Variants in CTNNA1 observed in about 807,000 individuals in gnomAD.
CTNNA1 encodes the protein catenin alpha-1.
Under a neutral mutation model 98.4 loss-of-function variants are expected in CTNNA1, and 37 were observed. That is an observed-to-expected ratio of 0.38 (90% CI 0.29 to 0.49). CTNNA1 has a LOEUF of 0.49. Among genes scored for constraint, CTNNA1 ranks in the 20% least tolerant of loss-of-function variants. The pLI is 0.95. For synonymous variants in CTNNA1, 404 were observed against 413.2 expected (o/e 0.98, Z 0.27); for missense variants, 761 against 1,147.2 (o/e 0.66, Z 4.86).
chr5:138,858,890 G>A (rs1763996117), intron 7 of CTNNA1, among the ~76,000 whole-genome samples: 1 of 152,112 alleles, frequency 6.6e-6, no homozygotes, highest in Admixed American at 6.5e-5. Flanking sequence ...TGAGCCACTG[G>A]GCCCAGCCTT....
intron 4 of CTNNA1, 89 bp downstream of exon 4, chr5:138,810,293 T>C: frequency 1.4e-6 from 2 of 1,474,170 alleles, no homozygotes; most frequent in Non-Finnish European, 1.9e-6. Flanking sequence ...TAGGATTTAG[T>C]TTGGTTTTGA....
intron 7 of CTNNA1, among the ~76,000 whole-genome samples, chr5:138,868,378 A>G (rs1263872389): frequency 6.6e-6 from 1 of 152,180 alleles, no homozygotes; most frequent in African/African-American, 2.4e-5. Flanking sequence ...GTCGTCATCC[A>G]GGGTGGAGGA....
chr5:138,844,290 C>T (rs1380295586), intron 7 of CTNNA1, among the ~76,000 whole-genome samples: 1 of 152,160 alleles, frequency 6.6e-6, no homozygotes, highest in African/African-American at 2.4e-5. Flanking sequence ...GCCACCGCAC[C>T]TGGCCCCAGA....
chr5:138,790,402 A>G (rs1447310007), intron 3 of CTNNA1, among the ~76,000 whole-genome samples: 1 of 152,182 alleles, frequency 6.6e-6, no homozygotes, highest in African/African-American at 2.4e-5. Context: ...TGTTTGCATT[A>G]TTTGCTTGTA....
At chr5:138,786,175 G>A (rs1343523349) in intron 3 of CTNNA1, among the ~76,000 whole-genome samples, 3 of 151,988 alleles carry the variant, frequency 2.0e-5, no homozygotes, top group African/African-American at 7.3e-5. Flanking sequence ...ACCATAATTT[G>A]CCTTCTCTTT....
intron 10 of CTNNA1, among the ~76,000 whole-genome samples, chr5:138,911,947 A>T (rs1223833092): frequency 1.3e-5 from 2 of 152,234 alleles, no homozygotes; most frequent in Non-Finnish European, 2.9e-5. Context: ...AGCTGGAAGG[A>T]CGGAGTTCCC....
intron 11 of CTNNA1, among the ~76,000 whole-genome samples, chr5:138,923,255 T>TTATA (rs1176179247): frequency 6.6e-6 from 1 of 152,190 alleles, no homozygotes; most frequent in African/African-American, 2.4e-5. Context: ...TTATTAGAGT[T>TTATA]TATATATTTT....
chr5:138,883,132 G>A (rs1753300263), intron 7 of CTNNA1, among the ~76,000 whole-genome samples: 1 of 152,188 alleles, frequency 6.6e-6, no homozygotes, highest in Non-Finnish European at 1.5e-5. Flanking sequence ...CTCCCAAAGT[G>A]CTAGGATTAC....
At chr5:138,818,963 A>G (rs761041635) in intron 5 of CTNNA1, among the ~76,000 whole-genome samples, 5 of 152,214 alleles carry the variant, frequency 3.3e-5, no homozygotes, top group Non-Finnish European at 5.9e-5. Flanking sequence ...TCAGTTGCCC[A>G]TAAAGCCAGG....
chr5:138,934,097 C>T lies in CTNNA1; in HGVS notation c.*8C>T. On this transcript the variant is annotated 3_prime_UTR_variant, in exon 18 of 18. Coordinates refer to ENST00000302763, the MANE Select transcript of CTNNA1 (RefSeq NM_001903.5). ...GCTATGGACAGCATCTAAGTCTGCCCAGGCCGGCCGCCCCCACCCCTCGGG... is the reference window on the plus strand; with the variant it reads ...GCTATGGACAGCATCTAAGTCTGCCTAGGCCGGCCGCCCCCACCCCTCGGG... 2 of 1,605,462 alleles carry T rather than the reference C, an allele frequency of 1.2e-6. No homozygotes were observed. The highest frequency in any genetic ancestry group is 1.7e-6 in the Non-Finnish European group (2 of 1,176,340).
At chr5:138,812,159 T>A (rs1436277355) in intron 4 of CTNNA1, 24 bp from the exon 5 acceptor site, 1 of 1,605,628 alleles carries the variant, frequency 6.2e-7, no homozygotes, top group Non-Finnish European at 8.5e-7. Flanking sequence ...ATTTTTGGGT[T>A]TTGGGGTCTT....
intron 3 of CTNNA1, among the ~76,000 whole-genome samples, chr5:138,806,520 C>T (rs1758100538): frequency 6.6e-6 from 1 of 152,078 alleles, no homozygotes; most frequent in Non-Finnish European, 1.5e-5. Flanking sequence ...TACTACTACT[C>T]TCTTCTGGGC....
At chr5:138,816,805 A>AT (rs746423818) in intron 5 of CTNNA1, among the ~76,000 whole-genome samples, 5 of 151,994 alleles carry the variant, frequency 3.3e-5, no homozygotes, top group Non-Finnish European at 5.9e-5. Context: ...AGTTCAAGCA[A>AT]TTCCTGTCTC....
At chr5:138,775,188 C>T (rs1172656621) in intron 1 of CTNNA1, among the ~76,000 whole-genome samples, 1 of 152,142 alleles carries the variant, frequency 6.6e-6, no homozygotes, top group Non-Finnish European at 1.5e-5. Context: ...TGTGTTAATG[C>T]AGTATCTCTG....
intron 2 of CTNNA1, among the ~76,000 whole-genome samples, chr5:138,782,941 T>C (rs1245401216): frequency 1.3e-5 from 2 of 152,202 alleles, no homozygotes; most frequent in Non-Finnish European, 2.9e-5. Flanking sequence ...AATGATCATA[T>C]TTGAGAAATT....
intron 7 of CTNNA1, among the ~76,000 whole-genome samples, chr5:138,838,713 T>C (rs1762015045): frequency 6.6e-6 from 1 of 152,202 alleles, no homozygotes. Context: ...ATTTCCCTAA[T>C]CTAAGCCCTG....
chr5:138,781,594 A>T (rs1755122027), intron 1 of CTNNA1, among the ~76,000 whole-genome samples: 1 of 151,580 alleles, frequency 6.6e-6, no homozygotes. Context: ...CATTCACTTT[A>T]GCTTTTCATC....
At chr5:138,821,702 A>G (rs1013254959) in intron 5 of CTNNA1, among the ~76,000 whole-genome samples, 1 of 152,202 alleles carries the variant, frequency 6.6e-6, no homozygotes, top group Non-Finnish European at 1.5e-5. Flanking sequence ...TCCATGGGAT[A>G]TCATTCAGAT....
intron 7 of CTNNA1, chr5:138,880,735 T>C (rs1459123597): frequency 3.7e-6 from 1 of 270,608 alleles, no homozygotes; most frequent in Non-Finnish European, 7.4e-6. Flanking sequence ...AATTAAGAGG[T>C]AAGATACCCG....
Sources: allele counts gnomAD v4.1 joint callset (sites outside exome capture counted in the v4.1 genomes callset), GRCh38; gene constraint gnomAD v4.1.1; transcripts MANE v1.5; gene names NCBI Gene and HGNC (gene_info 2026-07-23, HGNC 2026-07-21).